PHACTR3: variants seen among roughly 807,000 people sequenced by gnomAD.
PHACTR3 encodes phosphatase and actin regulator 3.
PHACTR3 carries 16 observed loss-of-function variants against 66.8 expected under a neutral mutation model. That is an observed-to-expected ratio of 0.24 (90% CI 0.16 to 0.36). The LOEUF (loss-of-function observed/expected upper bound fraction) is 0.36, where lower values mean the gene tolerates loss of function less well. Ranked by LOEUF, PHACTR3 falls within the 10% of genes least tolerant of loss-of-function variation. PHACTR3 has a pLI of 1.00. For synonymous variants in PHACTR3, 323 were observed against 292.1 expected, an observed-to-expected ratio of 1.11 and a Z score of -1.08; for missense variants, 647 against 719.9, an observed-to-expected ratio of 0.90 and a Z score of 1.16.
chr20:59,732,318 C>T (rs1186463266), intron 1 of PHACTR3, among the ~76,000 whole-genome samples: 1 of 152,184 alleles, frequency 6.6e-6, no homozygotes, highest in African/African-American at 2.4e-5. Context: ...CGAGTGCTTT[C>T]GTGCTCTGAG....
chr20:59,764,505 TA>T (rs2040112994), intron 4 of PHACTR3, among the ~76,000 whole-genome samples: 1 of 152,202 alleles, frequency 6.6e-6, no homozygotes, highest in Admixed American at 6.5e-5. Context: ...TCGGGTATTT[TA>T]TACAGATTAT....
Position 59,820,412 on chromosome 20 carries a change from G to A in PHACTR3, c.1328+14218G>A, listed in dbSNP as rs1159968707. ...ATGGTGGCTATCATGTATGGATCTT[G>A]TACGTTCTGCTTTTAGATGGAGGTA... On this transcript the variant is annotated intron_variant, in intron 8 of 12. Transcript: ENST00000371015. This position sits in a 1 kb window ranked among gnomAD's most constrained non-coding sequence, Gnocchi z 4.6. 6.6e-6 allele frequency among the ~76,000 whole-genome samples: 1 copy of A among 152,212 alleles called. No individual in the cohort carries two copies. Among genetic ancestry groups the A allele is most frequent in the Non-Finnish European group, 1.5e-5 (1 of 68,042 alleles).
chr20:59,845,474 A>G (rs976257862), intron 12 of PHACTR3, among the ~76,000 whole-genome samples: 15 of 152,172 alleles, frequency 9.9e-5, no homozygotes, highest in Admixed American at 3.3e-4. Flanking sequence ...TATGTATGGT[A>G]ACAATATCGG....
At chr20:59,619,979 G>A (rs888764148) in intron 1 of PHACTR3, among the ~76,000 whole-genome samples, 1 of 152,118 alleles carries the variant, frequency 6.6e-6, no homozygotes, top group Non-Finnish European at 1.5e-5. Flanking sequence ...AAAGTGTCAG[G>A]GCCCTTGTGA....
At chr20:59,659,710 A>G (rs1490300849) in intron 1 of PHACTR3, among the ~76,000 whole-genome samples, 6 of 152,000 alleles carry the variant, frequency 3.9e-5, no homozygotes, top group Non-Finnish European at 8.8e-5. Context: ...CATTCCATGT[A>G]TTACCAGCTT....
At chr20:59,758,674 C>T (rs899617813) in intron 4 of PHACTR3, among the ~76,000 whole-genome samples, 2 of 152,142 alleles carry the variant, frequency 1.3e-5, no homozygotes, top group Non-Finnish European at 2.9e-5. Flanking sequence ...GGAGATCTCA[C>T]GCCCATGATG....
chr20:59,846,706 G>C (rs1014187524), intron 12 of PHACTR3, among the ~76,000 whole-genome samples: 1 of 151,934 alleles, frequency 6.6e-6, no homozygotes, highest in Non-Finnish European at 1.5e-5. Context: ...GAGTCAGAAC[G>C]GTATTTTTGG....
At chr20:59,710,334 A>G (rs1318931937) in intron 1 of PHACTR3, among the ~76,000 whole-genome samples, 3 of 152,090 alleles carry the variant, frequency 2.0e-5, no homozygotes, top group African/African-American at 7.2e-5. Context: ...CTCAGGAAGG[A>G]TGGGGCTGTC....
At chr20:59,626,504 A>G (rs890593575) in intron 1 of PHACTR3, 2 of 152,352 alleles carry the variant, frequency 1.3e-5, no homozygotes, top group African/African-American at 2.4e-5. Flanking sequence ...GAAGAGCACT[A>G]GGGCAGCAGG....
chr20:59,645,484 G>A (rs1053334988), intron 1 of PHACTR3, among the ~76,000 whole-genome samples: 5 of 152,090 alleles, frequency 3.3e-5, no homozygotes, highest in East Asian at 1.9e-4. Flanking sequence ...GTGTGTGTCC[G>A]CCCCACACTG....
intron 1 of PHACTR3, among the ~76,000 whole-genome samples, chr20:59,598,435 A>G (rs2033386193): frequency 6.6e-6 from 1 of 152,100 alleles, no homozygotes; most frequent in Admixed American, 6.6e-5. Context: ...TTGGGACCTG[A>G]TCTTGTGCCT....
intron 1 of PHACTR3, among the ~76,000 whole-genome samples, chr20:59,706,541 C>G (rs998344180): frequency 1.3e-5 from 2 of 152,222 alleles, no homozygotes; most frequent in African/African-American, 4.8e-5. Context: ...CATGCATTCC[C>G]AGCTCCCAGG....
chr20:59,757,958 A>C (rs1229476909), intron 4 of PHACTR3, among the ~76,000 whole-genome samples: 1 of 152,186 alleles, frequency 6.6e-6, no homozygotes. Context: ...CGACAGAGCC[A>C]GACCCTGCTT....
intron 1 of PHACTR3, among the ~76,000 whole-genome samples, chr20:59,606,552 A>C (rs1022013999): frequency 6.6e-6 from 1 of 152,190 alleles, no homozygotes. Context: ...GCACTCCATG[A>C]TGGATTGCCT....
At position 59,847,183 on chromosome 20, in the gene PHACTR3, C is replaced by A. The variant is rs2059165863; in HGVS notation, c.*53C>A. On this transcript the variant is annotated 3_prime_UTR_variant, in exon 13 of 13. Transcript: ENST00000371015. ...TTAATTTTTTGATACCAACACTGAA[C>A]ATTCATCAGGGAACTTTCCTGAAGT... 2 of 1,359,626 alleles carry A rather than the reference C, an allele frequency of 1.5e-6. No homozygotes were observed. The highest frequency in any genetic ancestry group is 3.5e-5 in the Admixed American group (2 of 57,924). 84.2% of individuals were successfully genotyped at this position (1,359,626 alleles called of 1,614,324 possible). A position where few individuals can be genotyped will look rare whatever the true frequency, so the allele number is the denominator to read the frequency against.
At chr20:59,589,537 G>A (rs746851128) in intron 1 of PHACTR3, among the ~76,000 whole-genome samples, 5 of 152,194 alleles carry the variant, frequency 3.3e-5, no homozygotes, top group Admixed American at 1.3e-4. Context: ...CTCGGGCTAC[G>A]AGACTGCTTT....
At chr20:59,731,277 A>G (rs2038750122) in intron 1 of PHACTR3, among the ~76,000 whole-genome samples, 1 of 152,148 alleles carries the variant, frequency 6.6e-6, no homozygotes, top group African/African-American at 2.4e-5. Flanking sequence ...ATATAATCTC[A>G]GGGAAGAAGT....
At chr20:59,643,845 C>T (rs908092844) in intron 1 of PHACTR3, among the ~76,000 whole-genome samples, 2 of 152,158 alleles carry the variant, frequency 1.3e-5, no homozygotes, top group African/African-American at 2.4e-5. Context: ...CCTTCTGCCT[C>T]GCCTCCTGTA....
intron 1 of PHACTR3, among the ~76,000 whole-genome samples, chr20:59,588,323 T>A (rs1477222395): frequency 1.3e-5 from 2 of 152,192 alleles, no homozygotes; most frequent in Admixed American, 1.3e-4. Flanking sequence ...AAATCTGGGA[T>A]CCGCCCCCTT....
Sources: allele counts gnomAD v4.1 joint callset (sites outside exome capture counted in the v4.1 genomes callset), GRCh38; gene constraint gnomAD v4.1.1; non-coding constraint Gnocchi (gnomAD v3.1); transcripts MANE v1.5; gene names NCBI Gene and HGNC (gene_info 2026-07-23, HGNC 2026-07-21).